Variants in CASP6 observed in about 807,000 individuals in gnomAD.
CASP6 encodes the protein caspase 6.
Under a neutral mutation model 31.8 loss-of-function variants are expected in CASP6, and 20 were observed. The observed-to-expected ratio is 0.63, with a 90% CI of 0.44 to 0.91. The LOEUF (loss-of-function observed/expected upper bound fraction) is 0.91, where lower values mean the gene tolerates loss of function less well. Among genes scored for constraint, CASP6 ranks in the 40% least tolerant of loss-of-function variants. CASP6 has a pLI of 0.00. For missense variants in CASP6, 328 were observed against 361.1 expected, an observed-to-expected ratio of 0.91 and a Z score of 0.74; for synonymous variants, 130 against 127.8, an observed-to-expected ratio of 1.02 and a Z score of -0.12.
intron 1 of CASP6, 23 bp downstream of exon 1, chr4:109,703,333 C>T (rs187492847): frequency 6.2e-7 from 1 of 1,602,794 alleles, no homozygotes; most frequent in Non-Finnish European, 8.5e-7. Flanking sequence ...CTGCTCGGTG[C>T]CCAGTCGACG....
chr4:109,676,506 A>T, the CASP6 span, among the ~76,000 whole-genome samples: 1 of 152,196 alleles, frequency 6.6e-6, no homozygotes, highest in Non-Finnish European at 1.5e-5. Flanking sequence ...AGCCCTCACC[A>T]GAATTGCCCT....
the CASP6 span, chr4:109,681,543 G>A: frequency 0.029 from 12,184 of 423,816 alleles, 273 homozygotes; most frequent in Non-Finnish European, 0.043. Context: ...TGGCCTCACG[G>A]ATTCTAAGGA....
chr4:109,694,681 T>C lies in CASP6; in HGVS notation c.327A>G (p.Ala109=). 2 of 1,597,690 alleles carry C rather than the reference T, an allele frequency of 1.3e-6. No homozygotes were observed. Among genetic ancestry groups the C allele is most frequent in the Non-Finnish European group, 1.7e-6 (2 of 1,173,070 alleles). The change falls in exon 5 of 7, where the codon GCA becomes GCG. Residue 109 remains alanine (A), a synonymous_variant. Coordinates refer to ENST00000265164, the MANE Select transcript of CASP6 (RefSeq NM_001226.4). ...AGACACACACAAAGCAATCGGCATCTGCGTGGCTAACAGTTGACACTATAA... is the reference window on the plus strand; with the variant it reads ...AGACACACACAAAGCAATCGGCATCCGCGTGGCTAACAGTTGACACTATAA... ...KIHEVSTVSH[A]DADCFVCVFL...
At chr4:109,677,982 G>A in the CASP6 span, among the ~76,000 whole-genome samples, 2 of 151,876 alleles carry the variant, frequency 1.3e-5, no homozygotes, top group African/African-American at 4.8e-5. Flanking sequence ...CAGTGTTTGT[G>A]TCCCTGGGTA....
Position 109,694,518 on chromosome 4 carries a change from G to C in CASP6, c.483+7C>G. On this transcript the variant is annotated splice_region_variant and intron_variant, in intron 5 of 6. Coordinates refer to ENST00000265164, the MANE Select transcript of CASP6 (RefSeq NM_001226.4). ...TATAATTAAGATGATAATGTACTCA[G>C]TCTTACCTGAATGATAAATATCTTG... is the stretch of plus-strand genomic sequence containing the variant. The C allele has an allele frequency of 6.3e-7, 1 of 1,591,380 alleles. No homozygotes were observed. The highest frequency in any genetic ancestry group is 8.5e-7 in the Non-Finnish European group (1 of 1,169,836).
At chr4:109,684,918 A>G, downstream of CASP6, 1 of 381,358 alleles carries the variant, frequency 2.6e-6, no homozygotes, top group Middle Eastern at 7.1e-4. Flanking sequence ...TATAAAAAAA[A>G]CTGAATTTGC....
chr4:109,679,868 C>T, the CASP6 span, among the ~76,000 whole-genome samples: 2 of 152,124 alleles, frequency 1.3e-5, no homozygotes, highest in African/African-American at 4.8e-5. Context: ...GTGGTGCAAT[C>T]TCGGCTCACT....
upstream of CASP6, among the ~76,000 whole-genome samples, chr4:109,705,676 C>T (rs1478024193): frequency 1.3e-5 from 2 of 151,688 alleles, no homozygotes; most frequent in Admixed American, 6.6e-5. Flanking sequence ...AAAAGAAAAA[C>T]GAAAAATTAA....
At chr4:109,681,394 T>C in the CASP6 span, 1 of 443,256 alleles carries the variant, frequency 2.3e-6, no homozygotes, top group Non-Finnish European at 4.5e-6. Context: ...GAAAAGGGTC[T>C]AAAGTTGTCT....
At chr4:109,703,716 A>T (rs1214605460), upstream of CASP6, 1 of 475,364 alleles carries the variant, frequency 2.1e-6, no homozygotes, top group East Asian at 3.7e-5. Flanking sequence ...GGGGACACAC[A>T]GACCGCCTAG....
chr4:109,697,878 C>A, intron 2 of CASP6, 110 bp from the exon 3 acceptor site: 1 of 1,227,692 alleles, frequency 8.1e-7, no homozygotes, highest in East Asian at 2.4e-5. Context: ...CCTTGCCAGG[C>A]TGATGTTCCA....
chr4:109,677,802 ATTTTTTTTTTTT>A, the CASP6 span, among the ~76,000 whole-genome samples: 1,451 of 86,642 alleles, frequency 0.017, 40 homozygotes, highest in African/African-American at 0.064. Flanking sequence ...AAGGAAACAA[ATTTTTTTTTTTT>A]TTTTTTTTTT....
chr4:109,671,760 G>A, the CASP6 span, among the ~76,000 whole-genome samples: 1 of 152,052 alleles, frequency 6.6e-6, no homozygotes, highest in Non-Finnish European at 1.5e-5. Flanking sequence ...GGTTGTTGTT[G>A]TTTTTTTCTT....
chr4:109,694,406 T>A (rs936406137), intron 5 of CASP6, 119 bp downstream of exon 5: 2 of 861,482 alleles, frequency 2.3e-6, no homozygotes, highest in African/African-American at 3.5e-5. Flanking sequence ...TTGGCCAGAA[T>A]TCAAAAACGG....
chr4:109,700,860 A>T (rs576639342), intron 1 of CASP6, among the ~76,000 whole-genome samples: 1 of 152,244 alleles, frequency 6.6e-6, no homozygotes, highest in Non-Finnish European at 1.5e-5. Context: ...AGATTGAGAG[A>T]AAATAACACA....
the CASP6 span, chr4:109,682,536 G>C: frequency 6.6e-7 from 1 of 1,519,214 alleles, no homozygotes; most frequent in South Asian, 1.3e-5. Context: ...CACACCCTGC[G>C]GGAACAATGT....
the CASP6 span, among the ~76,000 whole-genome samples, chr4:109,678,999 C>G: frequency 7.0e-3 from 1,052 of 150,650 alleles, 12 homozygotes; most frequent in African/African-American, 0.024. Flanking sequence ...AGACAGTCCT[C>G]ACTTCCTAGA....
chr4:109,679,381 T>TC, the CASP6 span, among the ~76,000 whole-genome samples: 2 of 152,108 alleles, frequency 1.3e-5, no homozygotes, highest in African/African-American at 2.4e-5. Flanking sequence ...TGAGCGAGAC[T>TC]CCGTCTGCAA....
intron 1 of CASP6, 130 bp from the exon 2 acceptor site, chr4:109,698,472 G>T (rs1199790968): frequency 3.0e-6 from 2 of 656,114 alleles, no homozygotes; most frequent in Admixed American, 3.6e-5. Context: ...AAAAGCCAAA[G>T]TATGTGAAGA....
Sources: gnomAD v4.1 joint callset for allele counts (sites outside exome capture counted in the v4.1 genomes callset) on GRCh38, gnomAD v4.1.1 for gene constraint, MANE v1.5 for transcripts, NCBI Gene and HGNC (gene_info 2026-07-23, HGNC 2026-07-21) for gene names.